Variants in KCNIP4 observed in about 807,000 individuals in gnomAD.
KCNIP4 encodes Kv channel-interacting protein 4.
Under a neutral mutation model 34.0 loss-of-function variants are expected in KCNIP4, and 12 were observed. That is an observed-to-expected ratio of 0.35 (90% CI 0.23 to 0.57). The LOEUF (loss-of-function observed/expected upper bound fraction) is 0.57. KCNIP4 is among the 20% of genes least tolerant of loss of function. The pLI is 0.83. For missense variants in KCNIP4, 238 were observed against 311.7 expected (o/e 0.76, Z 1.78); for synonymous variants, 124 against 102.2 (o/e 1.21, Z -1.29).
In KCNIP4 at chr4:20,913,034, C is replaced by T. The variant is rs113800525; in HGVS notation, c.62-30325G>A. Among the ~76,000 whole-genome samples the T allele has an allele frequency of 1.4e-3, 210 of 152,084 alleles. 1 individual carries two copies. The highest frequency in any genetic ancestry group is 4.8e-3 in the African/African-American group (198 of 41,482). ...CCTGACATTTCAATCCTAGGTATAT[C>T]CTGAAGAACAGTGAAAATATATGTT... On this transcript the variant is annotated intron_variant, in intron 1 of 8. Coordinates refer to ENST00000382152, the MANE Select transcript of KCNIP4 (RefSeq NM_025221.6).
intron 1 of KCNIP4, among the ~76,000 whole-genome samples, chr4:21,409,039 T>G (rs1038766085): frequency 3.9e-5 from 6 of 152,064 alleles, no homozygotes; most frequent in Admixed American, 2.6e-4. Flanking sequence ...TTATTTGGTT[T>G]ATATTTAAAT....
chr4:21,031,267 T>G (rs1427339421), intron 1 of KCNIP4, among the ~76,000 whole-genome samples: 3 of 152,244 alleles, frequency 2.0e-5, no homozygotes, highest in Non-Finnish European at 4.4e-5. Flanking sequence ...CACTCGTTAA[T>G]TTTTTATTTG....
intron 1 of KCNIP4, among the ~76,000 whole-genome samples, chr4:21,504,475 A>AAAAAAAAAAAAAAAAAGAAAG (rs1264431211): frequency 7.9e-5 from 8 of 101,870 alleles, no homozygotes; most frequent in African/African-American, 3.1e-4. Flanking sequence ...CAAAAAAAAA[A>AAAAAAAAAAAAAAAAAGAAAG]AAAGAAAGAA....
intron 1 of KCNIP4, among the ~76,000 whole-genome samples, chr4:21,263,968 CGT>C (rs375296925): frequency 6.4e-4 from 94 of 147,650 alleles, no homozygotes; most frequent in Middle Eastern, 7.1e-3. Flanking sequence ...TATATATATA[CGT>C]GTGTGTGTGT....
intron 1 of KCNIP4, among the ~76,000 whole-genome samples, chr4:20,966,914 A>G (rs1734401408): frequency 6.6e-6 from 1 of 152,146 alleles, no homozygotes; most frequent in African/African-American, 2.4e-5. Flanking sequence ...TGAAGTTGGT[A>G]TTATGATGAT....
At chr4:21,829,930 GA>G (rs978025084) in intron 1 of KCNIP4, among the ~76,000 whole-genome samples, 6 of 151,700 alleles carry the variant, frequency 4.0e-5, no homozygotes, top group Middle Eastern at 3.4e-3. Flanking sequence ...AGGAAGAAAG[GA>G]ACAAAAGATC....
Position 21,746,327 on chromosome 4 carries a change from G to A in KCNIP4, c.61+202244C>T, listed in dbSNP as rs564826055. ...TTCAAAACAGAAATGTCTGAAACAG[G>A]CACATAAAAATATTACATTTGCTAA... On this transcript the variant is annotated intron_variant, in intron 1 of 8. Coordinates refer to ENST00000382152, the MANE Select transcript of KCNIP4 (RefSeq NM_025221.6). Among the ~76,000 whole-genome samples the A allele has an allele frequency of 2.6e-4, 40 of 152,176 alleles. No individual in the cohort carries two copies. The Middle Eastern group carries it at 0.01, about 39-fold the overall frequency.
intron 1 of KCNIP4, among the ~76,000 whole-genome samples, chr4:21,530,719 T>C (rs1333310737): frequency 6.6e-6 from 1 of 152,024 alleles, no homozygotes; most frequent in Non-Finnish European, 1.5e-5. Context: ...ATAAAATAAG[T>C]ATATTAATTT....
intron 1 of KCNIP4, chr4:21,843,399 C>T (rs895506866): frequency 3.3e-5 from 5 of 151,960 alleles, no homozygotes; most frequent in South Asian, 2.1e-4. Context: ...GACATGTTAG[C>T]CCAAAAATAT....
chr4:21,062,840 A>G (rs1577621297), intron 1 of KCNIP4, among the ~76,000 whole-genome samples: 1 of 152,094 alleles, frequency 6.6e-6, no homozygotes, highest in East Asian at 1.9e-4. Context: ...TAGGTTTTCA[A>G]CAAATTGGAG....
intron 1 of KCNIP4, among the ~76,000 whole-genome samples, chr4:21,827,386 G>A (rs968572256): frequency 6.6e-6 from 1 of 151,984 alleles, no homozygotes; most frequent in Non-Finnish European, 1.5e-5. Flanking sequence ...AATACTTCTT[G>A]AGAAATTTCA....
intron 1 of KCNIP4, among the ~76,000 whole-genome samples, chr4:21,014,987 T>A (rs1403564709): frequency 6.6e-6 from 1 of 152,172 alleles, no homozygotes; most frequent in Non-Finnish European, 1.5e-5. Context: ...CTTGAAAACA[T>A]TATGCTAAGT....
Position 20,849,438 on chromosome 4 carries a change from T to C in KCNIP4, c.288+1105A>G, listed in dbSNP as rs536653103. 3.3e-5 allele frequency among the ~76,000 whole-genome samples: 5 copies of C among 152,288 alleles called. No individual in the cohort carries two copies. The South Asian group carries it at 1.0e-3, about 32-fold the overall frequency. On this transcript the variant is annotated intron_variant, in intron 3 of 8. Coordinates refer to ENST00000382152, the MANE Select transcript of KCNIP4 (RefSeq NM_025221.6). ...AACCCTATAAAAATATTCTGCAGTG[T>C]CAACTACCGGTATGAATTCTCTGAG...
intron 3 of KCNIP4, among the ~76,000 whole-genome samples, chr4:20,790,368 A>T (rs142636098): frequency 1.3e-5 from 2 of 152,276 alleles, no homozygotes; most frequent in African/African-American, 4.8e-5. Context: ...GGCTACCCTA[A>T]ATTTATTTAA....
At chr4:20,837,686 A>ATATATATTT (rs1350419753) in intron 3 of KCNIP4, among the ~76,000 whole-genome samples, 1 of 117,400 alleles carries the variant, frequency 8.5e-6, no homozygotes, top group Admixed American at 8.9e-5. Context: ...ATATATATAT[A>ATATATATTT]TTTTTTTTTC....
intron 1 of KCNIP4, among the ~76,000 whole-genome samples, chr4:21,002,172 A>AT: frequency 6.6e-6 from 1 of 152,150 alleles, no homozygotes; most frequent in East Asian, 1.9e-4. Context: ...GCCTTGCTTT[A>AT]TTTTTTCCCA....
chr4:21,295,685 C>A (rs528402656), intron 1 of KCNIP4, among the ~76,000 whole-genome samples: 1 of 152,280 alleles, frequency 6.6e-6, no homozygotes, highest in East Asian at 1.9e-4. Context: ...CAAGTCAGTT[C>A]TTTGGAAAGG....
intron 1 of KCNIP4, among the ~76,000 whole-genome samples, chr4:21,707,932 T>C (rs1027741732): frequency 2.1e-4 from 31 of 146,924 alleles, no homozygotes; most frequent in South Asian, 6.6e-4. Context: ...AACACACACA[T>C]ACACACACAC....
At chr4:20,988,058 CCCT>C (rs1359321081) in intron 1 of KCNIP4, among the ~76,000 whole-genome samples, 1 of 146,392 alleles carries the variant, frequency 6.8e-6, no homozygotes, top group East Asian at 2.0e-4. Context: ...TTTTATAGTT[CCCT>C]GAAATAATTT....
Sources: allele counts gnomAD v4.1 joint callset (sites outside exome capture counted in the v4.1 genomes callset), GRCh38; gene constraint gnomAD v4.1.1; transcripts MANE v1.5; gene names NCBI Gene and HGNC (gene_info 2026-07-23, HGNC 2026-07-21).